Variants in OIT3 observed in about 807,000 individuals in gnomAD.
OIT3 encodes the protein oncoprotein-induced transcript 3 protein.
In OIT3, 41 loss-of-function variants were observed where a neutral mutation model predicts 52.2. The observed-to-expected ratio is 0.79, with a 90% CI of 0.61 to 1.02. The LOEUF (loss-of-function observed/expected upper bound fraction) is 1.02, where lower values mean the gene tolerates loss of function less well. Among genes scored for constraint, OIT3 ranks in the 50% least tolerant of loss-of-function variants. The pLI is 0.00. For missense variants in OIT3, 634 were observed against 715.5 expected, an observed-to-expected ratio of 0.89 and a Z score of 1.30; for synonymous variants, 244 against 276.9, an observed-to-expected ratio of 0.88 and a Z score of 1.18.
intron 3 of OIT3, among the ~76,000 whole-genome samples, chr10:72,902,882 C>T (rs1452516327): frequency 1.3e-5 from 2 of 152,156 alleles, no homozygotes; most frequent in Non-Finnish European, 2.9e-5. Flanking sequence ...CAGACACAGC[C>T]AAATCATATC....
intron 1 of OIT3, among the ~76,000 whole-genome samples, chr10:72,897,140 C>A (rs1023202401): frequency 2.0e-5 from 3 of 152,204 alleles, no homozygotes; most frequent in Admixed American, 6.5e-5. Context: ...TCTCCTGCCT[C>A]AGCCTCCCAA....
At chr10:72,932,259 C>CTT (rs1846222730) in intron 8 of OIT3, 95 bp from the exon 9 acceptor site, 2 of 1,105,606 alleles carry the variant, frequency 1.8e-6, no homozygotes, top group Non-Finnish European at 2.7e-6. Flanking sequence ...GATTACATGA[C>CTT]TTAATGTTTA....
At chr10:72,909,883 C>T (rs554057812) in intron 4 of OIT3, among the ~76,000 whole-genome samples, 4 of 152,138 alleles carry the variant, frequency 2.6e-5, no homozygotes, top group Non-Finnish European at 4.4e-5. Flanking sequence ...TGACCTCACA[C>T]GATCCACCTG....
chr10:72,896,272 G>A (rs977631959), intron 1 of OIT3, among the ~76,000 whole-genome samples: 2 of 152,154 alleles, frequency 1.3e-5, no homozygotes, highest in African/African-American at 4.8e-5. Context: ...TTAGAGCCAG[G>A]GAGAGGAATC....
Position 72,898,893 on chromosome 10 carries a change from C to A in OIT3, c.291C>A (p.Asp97Glu). 1 of 1,614,172 alleles carries A rather than the reference C, an allele frequency of 6.2e-7. No individual in the cohort carries two copies. The highest frequency in any genetic ancestry group is 8.5e-7 in the Non-Finnish European group (1 of 1,180,006). Residue 97 changes from aspartate (D) to glutamate (E), a missense_variant, in exon 2 of 9, where the codon GAC becomes GAA. Physicochemically the swap from Asp to Glu is conservative, Grantham distance 45 (BLOSUM62 2). Coordinates refer to ENST00000334011, the MANE Select transcript of OIT3 (RefSeq NM_152635.3). Reference sequence around the variant, plus strand: ...ATGGCAGCCACCCCCTAGAAGGCGACGGCATTGTGCAACGCCAGGCTTGTG... The same window carrying A: ...ATGGCAGCCACCCCCTAGAAGGCGAAGGCATTGTGCAACGCCAGGCTTGTG... ...WLNGSHPLEG[D>E]GIVQRQACAS...
At position 72,924,415 on chromosome 10, in the gene OIT3, A is replaced by G; in HGVS notation, c.1138A>G (p.Met380Val). Reference protein sequence around the residue: ...PNLRNSPLEIMSRNHGIFPFT... With the variant: ...PNLRNSPLEIVSRNHGIFPFT... Reference sequence around the variant, plus strand: ...CCTTCGAAACTCCCCACTGGAAATCATGAGCCGAAATCATGGGATCTTCCC... The same window carrying G: ...CCTTCGAAACTCCCCACTGGAAATCGTGAGCCGAAATCATGGGATCTTCCC... The change falls in exon 7 of 9, where the codon ATG becomes GTG. Residue 380 changes from methionine to valine, a missense_variant. Physicochemically the swap from Met to Val is conservative, Grantham distance 21. Coordinates refer to ENST00000334011, the MANE Select transcript of OIT3 (RefSeq NM_152635.3). The G allele has an allele frequency of 3.1e-6, 5 of 1,614,156 alleles. No homozygotes were observed. The highest frequency in any genetic ancestry group is 4.2e-6 in the Non-Finnish European group (5 of 1,179,992).
intron 8 of OIT3, among the ~76,000 whole-genome samples, chr10:72,930,929 T>C (rs1346085540): frequency 6.6e-6 from 1 of 152,192 alleles, no homozygotes; most frequent in Non-Finnish European, 1.5e-5. Flanking sequence ...TGGGCAGTTA[T>C]GGTTGAAAAG....
chr10:72,913,443 T>C lies in OIT3; in HGVS notation c.926T>C (p.Leu309Pro), dbSNP rs1408059130. Residue 309 changes from leucine to proline, a missense_variant, in exon 6 of 9, where the codon CTC becomes CCC. Physicochemically the swap from Leu to Pro is moderately conservative, Grantham distance 98 (BLOSUM62 -3). Transcript: ENST00000334011. The stretch of plus-strand genomic sequence containing the variant: ...ACCCATGTCAACATCCTCTTCTCTC[T>C]CAAGACATGTGGTACAGTGGTCGAT... ...NGTHVNILFS[L>P]KTCGTVVDVV... 5.6e-6 allele frequency: 9 copies of C among 1,612,144 alleles called. No individual in the cohort carries two copies. Among genetic ancestry groups the C allele is most frequent in the Non-Finnish European group, 7.6e-6 (9 of 1,178,506 alleles).
At chr10:72,911,592 C>T in intron 4 of OIT3, 125 bp from the exon 5 acceptor site, 1 of 919,242 alleles carries the variant, frequency 1.1e-6, no homozygotes, top group East Asian at 2.6e-5. Flanking sequence ...GCCCGAATGT[C>T]CAGTCACTAG....
In OIT3 at chr10:72,924,416, T is replaced by A; in HGVS notation, c.1139T>A (p.Met380Lys). ...CTTCGAAACTCCCCACTGGAAATCATGAGCCGAAATCATGGGATCTTCCCA... is the reference window on the plus strand; with the variant it reads ...CTTCGAAACTCCCCACTGGAAATCAAGAGCCGAAATCATGGGATCTTCCCA... ...PNLRNSPLEI[M>K]SRNHGIFPFT... The change falls in exon 7 of 9, where the codon ATG becomes AAG. Residue 380 changes from methionine to lysine, a missense_variant. By Grantham distance (95) the Met-to-Lys change is moderately conservative (BLOSUM62 -1). Transcript: ENST00000334011. 1 of 1,614,122 alleles carries A rather than the reference T, an allele frequency of 6.2e-7. No homozygotes were observed. The highest frequency in any genetic ancestry group is 8.5e-7 in the Non-Finnish European group (1 of 1,179,976).
chr10:72,932,306 A>C, intron 8 of OIT3, 48 bp from the exon 9 acceptor site: 1 of 1,556,548 alleles, frequency 6.4e-7, no homozygotes, highest in South Asian at 1.1e-5. Context: ...GTGCCCCACA[A>C]GTGGCAGCAG....
At chr10:72,931,921 A>G (rs1846219933) in intron 8 of OIT3, among the ~76,000 whole-genome samples, 1 of 152,210 alleles carries the variant, frequency 6.6e-6, no homozygotes, top group Non-Finnish European at 1.5e-5. Context: ...ATCAGGCAGG[A>G]AGCTCAGGCA....
At chr10:72,901,863 G>A (rs914415312) in intron 3 of OIT3, among the ~76,000 whole-genome samples, 3 of 152,100 alleles carry the variant, frequency 2.0e-5, no homozygotes, top group African/African-American at 7.2e-5. Context: ...GCAACATAGT[G>A]AGACCCCATC....
intron 4 of OIT3, among the ~76,000 whole-genome samples, chr10:72,910,026 C>A (rs1846016235): frequency 6.6e-6 from 1 of 152,258 alleles, no homozygotes; most frequent in East Asian, 1.9e-4. Flanking sequence ...AATCCATTTG[C>A]CAGATATATC....
chr10:72,905,955 T>C (rs1000314997), intron 3 of OIT3, among the ~76,000 whole-genome samples: 1 of 152,222 alleles, frequency 6.6e-6, no homozygotes, highest in African/African-American at 2.4e-5. Context: ...CTGAGGACTA[T>C]GACAAATTTA....
intron 2 of OIT3, 90 bp from the exon 3 acceptor site, chr10:72,900,287 C>A (rs1049194902): frequency 5.7e-6 from 4 of 697,542 alleles, no homozygotes; most frequent in Non-Finnish European, 9.8e-6. Flanking sequence ...GGATACCACC[C>A]CCCCCGACCC....
At position 72,919,239 on chromosome 10, in the gene OIT3, T is replaced by G. The variant is rs151319317; in HGVS notation, c.952-4990T>G. 3.2e-3 allele frequency among the ~76,000 whole-genome samples: 485 copies of G among 152,330 alleles called. 3 individuals are homozygous for G. The highest frequency in any genetic ancestry group is 0.011 in the African/African-American group (459 of 41,572). On this transcript the variant is annotated intron_variant, in intron 6 of 8. Coordinates refer to ENST00000334011, the MANE Select transcript of OIT3 (RefSeq NM_152635.3). Reference sequence around the variant, plus strand: ...TGTGAATGGGAGTTCATTTGTGATTTGGCTCTCGGCTTGACTGTTGTTTGT... The same window carrying G: ...TGTGAATGGGAGTTCATTTGTGATTGGGCTCTCGGCTTGACTGTTGTTTGT...
At chr10:72,897,143 C>T (rs970240561) in intron 1 of OIT3, among the ~76,000 whole-genome samples, 2 of 152,212 alleles carry the variant, frequency 1.3e-5, no homozygotes, top group South Asian at 2.1e-4. Flanking sequence ...CCTGCCTCAG[C>T]CTCCCAAGTA....
chr10:72,917,873 T>C (rs907663732), intron 6 of OIT3: 25 of 1,285,216 alleles, frequency 1.9e-5, no homozygotes, highest in African/African-American at 5.8e-5. Flanking sequence ...GTGTTGATGA[T>C]GGTTTTGAGT....
Sources: allele counts gnomAD v4.1 joint callset (sites outside exome capture counted in the v4.1 genomes callset), GRCh38; gene constraint gnomAD v4.1.1; transcripts MANE v1.5; gene names NCBI Gene and HGNC (gene_info 2026-07-23, HGNC 2026-07-21).